The following SHE variants were observed in gnomAD, a reference collection of about 807,000 sequenced individuals.
SHE encodes the protein SH2 domain-containing adapter protein E.
In SHE, 11 loss-of-function variants were observed where a neutral mutation model predicts 49.8. That is an observed-to-expected ratio of 0.22 (90% CI 0.14 to 0.37). The LOEUF is 0.37. Ranked by LOEUF, SHE falls within the 10% of genes least tolerant of loss-of-function variation. The probability of loss-of-function intolerance (pLI) is 1.00; values close to 1 mark genes in which losing one functional copy is unlikely to be tolerated. For synonymous variants in SHE, 310 were observed against 278.1 expected, an observed-to-expected ratio of 1.11 and a Z score of -1.14; for missense variants, 624 against 655.5, an observed-to-expected ratio of 0.95 and a Z score of 0.52.
downstream of SHE, among the ~76,000 whole-genome samples, chr1:154,478,667 C>T (rs748162732): frequency 6.6e-6 from 1 of 152,210 alleles, no homozygotes; most frequent in Non-Finnish European, 1.5e-5. Flanking sequence ...TCACTACTTA[C>T]ATCTTGGCCT....
At chr1:154,476,116 C>T (rs1260479775), downstream of SHE, among the ~76,000 whole-genome samples, 3 of 152,182 alleles carry the variant, frequency 2.0e-5, no homozygotes, top group Non-Finnish European at 4.4e-5. Context: ...GAGGCTGAGT[C>T]AGGATGATTG....
chr1:154,498,926 C>T (rs1274067933), intron 2 of SHE, among the ~76,000 whole-genome samples, 186 bp downstream of exon 2: 2 of 152,150 alleles, frequency 1.3e-5, no homozygotes, highest in African/African-American at 2.4e-5. Context: ...CTGAAGGATA[C>T]TAAATCATAC....
At chr1:154,495,496 T>G (rs1053903789) in intron 2 of SHE, among the ~76,000 whole-genome samples, 5 of 152,268 alleles carry the variant, frequency 3.3e-5, no homozygotes, top group African/African-American at 7.2e-5. Context: ...GACCCAGGCT[T>G]CCTGGGTCCC....
At chr1:154,485,804 A>G (rs1692158761) in intron 5 of SHE, 139 bp downstream of exon 5, 10 of 997,628 alleles carry the variant, frequency 1.0e-5, no homozygotes, top group African/African-American at 1.6e-5. Flanking sequence ...CTCATGTTCC[A>G]TTGTCCAAAC....
Position 154,501,654 on chromosome 1 carries a change from C to A in SHE, c.373G>T (p.Ala125Ser), listed in dbSNP as rs1382986570. The A allele has an allele frequency of 1.9e-6, 3 of 1,614,064 alleles. No homozygotes were observed. Among genetic ancestry groups the A allele is most frequent in the Admixed American group, 1.7e-5 (1 of 60,028 alleles). ...CCCCGGTGGGGCTCCTCCTCCGTGG[C>A]CCGGGAGTTTTTGCGGCCCTTGCCC... is the stretch of plus-strand genomic sequence containing the variant. The part of the protein sequence containing the change: ...AAGKGRKNSR[A>S]TEEEPHRGAT... Residue 125 changes from alanine (A) to serine (S), a missense_variant, in exon 1 of 6, where the codon GCC (alanine) becomes TCC (serine). This residue lies in a region of SHE where 337 missense variants were observed against 306.0 expected (regional missense o/e 1.10). Coordinates refer to ENST00000304760, the MANE Select transcript of SHE (RefSeq NM_001010846.3).
Position 154,501,847 on chromosome 1 carries a change from G to C in SHE, c.180C>G (p.Gly60=). The C allele has an allele frequency of 6.5e-7, 1 of 1,540,148 alleles. No homozygotes were observed. The highest frequency in any genetic ancestry group is 8.7e-7 in the Non-Finnish European group (1 of 1,149,936). ...AGTTCTTGCGCAATTTGCCGCCGCC[G>C]CCCCCGGGCTTGGCCCGCTCCGACA... ...KTVSERAKPG[G]GGGKLRKNSE... Residue 60 remains glycine, a synonymous_variant, in exon 1 of 6, where the codon GGC becomes GGG. Coordinates refer to ENST00000304760, the MANE Select transcript of SHE (RefSeq NM_001010846.3).
rs752222090 is a variant in SHE at position 154,501,487 on chromosome 1, G to A, written c.540C>T (p.Ser180=). 3.7e-5 allele frequency: 60 copies of A among 1,614,082 alleles called. No homozygotes were observed. Among genetic ancestry groups the A allele is most frequent in the Non-Finnish European group, 4.9e-5 (58 of 1,180,030 alleles). ...SSSSSASSSP[S]SLGPELDKGK... is the part of the protein sequence containing the mutation. ...CCTTGTCCAGCTCGGGCCCCAGGGA[G>A]GAAGGGGAAGAGGACGCGGAGGAAG... is the stretch of plus-strand genomic sequence containing the variant. Residue 180 remains serine (S), a synonymous_variant, in exon 1 of 6, where the codon TCC becomes TCT. Transcript: ENST00000304760.
downstream of SHE, among the ~76,000 whole-genome samples, chr1:154,478,031 T>TGGAA (rs1044740692): frequency 2.6e-5 from 4 of 152,152 alleles, no homozygotes; most frequent in East Asian, 1.9e-4. Flanking sequence ...CTCATGTAAG[T>TGGAA]GGAATCATAC....
chr1:154,496,973 A>C (rs1692550343), intron 2 of SHE, among the ~76,000 whole-genome samples: 1 of 152,120 alleles, frequency 6.6e-6, no homozygotes, highest in Admixed American at 6.5e-5. Flanking sequence ...CCTCAATTTT[A>C]TGTAAAAGTA....
At chr1:154,491,703 G>A (rs535539508) in intron 2 of SHE, among the ~76,000 whole-genome samples, 2 of 152,330 alleles carry the variant, frequency 1.3e-5, no homozygotes, top group Middle Eastern at 3.4e-3. Flanking sequence ...GATGGGAGGA[G>A]AGAGGGAGGG....
At chr1:154,490,608 G>A (rs1692332225) in intron 2 of SHE, among the ~76,000 whole-genome samples, 1 of 152,200 alleles carries the variant, frequency 6.6e-6, no homozygotes, top group Admixed American at 6.5e-5. Context: ...GAACGATAGA[G>A]GGCTTGTTCC....
Position 154,501,656 on chromosome 1 carries a change from C to T in SHE, c.371G>A (p.Arg124Gln), listed in dbSNP as rs375522819. ...CCGGTGGGGCTCCTCCTCCGTGGCCCGGGAGTTTTTGCGGCCCTTGCCCGC... is the reference window on the plus strand; with the variant it reads ...CCGGTGGGGCTCCTCCTCCGTGGCCTGGGAGTTTTTGCGGCCCTTGCCCGC... ...AAAGKGRKNS[R>Q]ATEEEPHRGA... The change falls in exon 1 of 6, where the codon CGG becomes CAG. Residue 124 changes from arginine (R) to glutamine (Q), a missense_variant. By Grantham distance (43) the Arg-to-Gln change is conservative (BLOSUM62 1). Around this residue, in one of 4 missense-constraint regions of SHE, gnomAD observed 337 missense variants for 306.0 expected, o/e 1.10. Transcript: ENST00000304760. The T allele has an allele frequency of 7.4e-6, 12 of 1,613,822 alleles. No homozygotes were observed. The African/African-American group carries it at 1.5e-4, about 20-fold the overall frequency.
chr1:154,498,914 C>T (rs770719112), intron 2 of SHE, among the ~76,000 whole-genome samples, 198 bp downstream of exon 2: 4 of 152,182 alleles, frequency 2.6e-5, no homozygotes, highest in Non-Finnish European at 4.4e-5. Context: ...AATTCTAAAA[C>T]TCTGAAGGAT....
chr1:154,477,889 T>A (rs185104823), downstream of SHE, among the ~76,000 whole-genome samples: 1,537 of 43,174 alleles, frequency 0.036, 25 homozygotes, highest in South Asian at 0.12. Context: ...AGACACTGTC[T>A]CAAAAAAAAA....
downstream of SHE, among the ~76,000 whole-genome samples, chr1:154,478,914 T>C (rs566884943): frequency 5.3e-5 from 8 of 152,330 alleles, no homozygotes; most frequent in Admixed American, 5.2e-4. Flanking sequence ...GAAACCATGT[T>C]AGGAATTTTG....
In SHE at chr1:154,480,432, A is replaced by G; in HGVS notation, c.*3717T>C. The G allele has an allele frequency of 3.0e-6, 3 of 985,442 alleles. No individual in the cohort carries two copies. The highest frequency in any genetic ancestry group is 2.3e-4 in the East Asian group (2 of 8,824). 61.0% of individuals were successfully genotyped at this position (985,442 alleles called of 1,614,324 possible). ...CCTCACAGTTATTCTTCTGAATATC[A>G]AGATGCATCCAGTAACAACAGCCAA... On this transcript the variant is annotated 3_prime_UTR_variant, in exon 6 of 6. Coordinates refer to ENST00000304760, the MANE Select transcript of SHE (RefSeq NM_001010846.3).
chr1:154,495,536 G>A lies in SHE; in HGVS notation c.718+3576C>T, dbSNP rs562393673. 2.6e-5 allele frequency among the ~76,000 whole-genome samples: 4 copies of A among 152,192 alleles called. No homozygotes were observed. In the East Asian group the frequency reaches 7.7e-4, roughly 29 times the overall value. On this transcript the variant is annotated intron_variant, in intron 2 of 5. Coordinates refer to ENST00000304760, the MANE Select transcript of SHE (RefSeq NM_001010846.3). ...CGATTTGGCCACAGGAAAGCCATGG[G>A]CTTCTCTCAGTTTCCTCTGCCCCTG...
intron 3 of SHE, 57 bp from the exon 4 acceptor site, chr1:154,486,740 C>T: frequency 6.3e-7 from 1 of 1,582,772 alleles, no homozygotes. Flanking sequence ...ATGTAAACTT[C>T]AAAGGGAAAA....
chr1:154,501,592 G>A lies in SHE; in HGVS notation c.435C>T (p.Asn145=). The A allele has an allele frequency of 6.2e-7, 1 of 1,614,182 alleles. No individual in the cohort carries two copies. Among genetic ancestry groups the A allele is most frequent in the Non-Finnish European group, 8.5e-7 (1 of 1,180,014 alleles). The part of the protein sequence containing the change: ...TKSSGCSTYI[N]RLIKVDTQEK... Reference sequence around the variant, plus strand: ...CCTGAGTGTCCACCTTGATGAGCCTGTTGATGTAGGTGCTGCAGCCCGAGC... The same window carrying A: ...CCTGAGTGTCCACCTTGATGAGCCTATTGATGTAGGTGCTGCAGCCCGAGC... The change falls in exon 1 of 6, where the codon AAC becomes AAT. Residue 145 remains asparagine, a synonymous_variant. Coordinates refer to ENST00000304760, the MANE Select transcript of SHE (RefSeq NM_001010846.3).
Sources: allele counts gnomAD v4.1 joint callset (sites outside exome capture counted in the v4.1 genomes callset), GRCh38; gene constraint gnomAD v4.1.1; regional missense constraint gnomAD v4.1.1; transcripts MANE v1.5; gene names NCBI Gene and HGNC (gene_info 2026-07-23, HGNC 2026-07-21).